Variants in MAP1B observed in about 807,000 individuals in gnomAD.
The protein encoded by MAP1B is microtubule associated protein 1B, also known as microtubule-associated protein 1B.
In MAP1B, 12 loss-of-function variants were observed where a neutral mutation model predicts 176.1. The observed-to-expected ratio is 0.07, with a 90% CI of 0.04 to 0.11. The LOEUF (loss-of-function observed/expected upper bound fraction) is 0.11. Among genes scored for constraint, MAP1B ranks in the 10% least tolerant of loss-of-function variants. MAP1B has a pLI of 1.00. For missense variants in MAP1B, 2,523 were observed against 2,990.5 expected, an observed-to-expected ratio of 0.84 and a Z score of 3.65; for synonymous variants, 1,044 against 1,135.0, an observed-to-expected ratio of 0.92 and a Z score of 1.61.
chr5:72,130,866 T>C (rs1745719071), intron 2 of MAP1B, among the ~76,000 whole-genome samples: 1 of 152,234 alleles, frequency 6.6e-6, no homozygotes, highest in African/African-American at 2.4e-5. Context: ...ATAATGTTTT[T>C]TCAAAAAATA....
In MAP1B at chr5:72,199,127, G is replaced by C. The variant is rs983924535; in HGVS notation, c.5772G>C (p.Glu1924Asp). The change falls in exon 5 of 7, where the codon GAG becomes GAC. Residue 1924 changes from glutamate to aspartate, a missense_variant. Coordinates refer to ENST00000296755, the MANE Select transcript of MAP1B (RefSeq NM_005909.5). This position sits in a 1 kb window ranked among gnomAD's most constrained non-coding sequence, Gnocchi z 4.2. ...CAAGTGACAGTGGCTACTCCTATGA[G>C]ACCATTGGGAAAACTACCAAGACCC... is the stretch of plus-strand genomic sequence containing the variant. The part of the protein sequence containing the change: ...KSPSDSGYSY[E>D]TIGKTTKTPE... 1.2e-6 allele frequency: 2 copies of C among 1,613,986 alleles called. No homozygotes were observed. Among genetic ancestry groups the C allele is most frequent in the Admixed American group, 1.7e-5 (1 of 60,008 alleles).
At chr5:72,158,347 A>AC (rs1561301361) in intron 2 of MAP1B, among the ~76,000 whole-genome samples, 5 of 152,088 alleles carry the variant, frequency 3.3e-5, no homozygotes, top group East Asian at 1.9e-4. Flanking sequence ...AATCTGATGT[A>AC]TTAGTAAGAG....
intron 2 of MAP1B, among the ~76,000 whole-genome samples, chr5:72,136,130 C>T (rs1346335919): frequency 6.6e-6 from 1 of 152,080 alleles, no homozygotes; most frequent in Admixed American, 6.5e-5. Flanking sequence ...TGCTGAGCAC[C>T]TAGGTACTAA....
At position 72,198,524 on chromosome 5, in the gene MAP1B, A is replaced by G. The variant is rs780623052; in HGVS notation, c.5169A>G (p.Val1723=). The G allele has an allele frequency of 1.3e-4, 207 of 1,613,932 alleles. 1 individual carries two copies. The highest frequency in any genetic ancestry group is 5.1e-4 in the East Asian group (23 of 44,882). ...QDNDLSELIS[V]SQVEASPSTS... is the part of the protein sequence containing the mutation. ...ATGATCTTTCTGAGCTCATCTCAGT[A>G]TCTCAGGTAGAGGCCTCCCCGTCCA... is the stretch of plus-strand genomic sequence containing the variant. The change falls in exon 5 of 7, where the codon GTA becomes GTG. Residue 1723 remains valine, a synonymous_variant. Coordinates refer to ENST00000296755, the MANE Select transcript of MAP1B (RefSeq NM_005909.5).
At chr5:72,165,321 A>T (rs1746407194) in intron 2 of MAP1B, among the ~76,000 whole-genome samples, 1 of 152,248 alleles carries the variant, frequency 6.6e-6, no homozygotes, top group South Asian at 2.1e-4. Context: ...AGGACCTGGC[A>T]TATAGGAAGT....
chr5:72,116,365 C>T (rs905616401), intron 2 of MAP1B: 4 of 349,514 alleles, frequency 1.1e-5, no homozygotes, highest in South Asian at 2.3e-5. Context: ...TATCTTTCTT[C>T]GTGTGGGTAA....
chr5:72,156,025 C>A (rs1347727281), intron 2 of MAP1B, among the ~76,000 whole-genome samples: 4 of 152,128 alleles, frequency 2.6e-5, no homozygotes, highest in Non-Finnish European at 5.9e-5. Context: ...CCTTGGCCTC[C>A]CAAAGTGATG....
In MAP1B at chr5:72,199,326, TATG is replaced by T; in HGVS notation, c.5976_5978del (p.Asp1993del). On this transcript the variant is annotated inframe_deletion, in exon 5 of 7. Transcript: ENST00000296755. The surrounding 1 kb of genome is among the most constrained non-coding windows in gnomAD (Gnocchi z 4.2). ...GCTTCTGGATGACATCAGCAATGGC[TATG>T]ATGACTCTGAGGATGGTGGCCACAC... 6.2e-7 allele frequency: 1 copy of T among 1,614,156 alleles called. No individual in the cohort carries two copies. Among genetic ancestry groups the T allele is most frequent in the Non-Finnish European group, 8.5e-7 (1 of 1,180,026 alleles).
At position 72,123,481 on chromosome 5, in the gene MAP1B, G is replaced by GT. The variant is rs1303382641; in HGVS notation, c.286+7692dup. On this transcript the variant is annotated intron_variant, in intron 2 of 6. Transcript: ENST00000296755. ...TATGCCCAGCTAATTTGTTTTTTTTGTTTTTTTTTTAGTTTTTTTTGAAGA... is the reference window on the plus strand; with the variant it reads ...TATGCCCAGCTAATTTGTTTTTTTTGTTTTTTTTTTTAGTTTTTTTTGAAGA... Among the ~76,000 whole-genome samples, 79 of 123,034 alleles carry GT rather than the reference G, an allele frequency of 6.4e-4. 1 individual carries two copies. The highest frequency in any genetic ancestry group is 2.4e-3 in the South Asian group (9 of 3,780). 80.7% of individuals were successfully genotyped at this position (123,034 alleles called of 152,430 possible). A position where few individuals can be genotyped will look rare whatever the true frequency, so the allele number is the denominator to read the frequency against.
intron 2 of MAP1B, among the ~76,000 whole-genome samples, chr5:72,126,889 T>A (rs1168112879): frequency 6.6e-6 from 1 of 152,208 alleles, no homozygotes; most frequent in Admixed American, 6.5e-5. Context: ...AAGACAAAAT[T>A]TAATCATGTT....
At chr5:72,172,845 A>G (rs924402583) in intron 2 of MAP1B, among the ~76,000 whole-genome samples, 2 of 152,222 alleles carry the variant, frequency 1.3e-5, no homozygotes, top group Non-Finnish European at 2.9e-5. Context: ...GCCTAGCGCC[A>G]AGCATGAGAG....
At chr5:72,165,860 T>C (rs1746418148) in intron 2 of MAP1B, among the ~76,000 whole-genome samples, 1 of 152,174 alleles carries the variant, frequency 6.6e-6, no homozygotes, top group East Asian at 1.9e-4. Flanking sequence ...GAGCATGCTA[T>C]GTGCTGTGAC....
rs1283649578 is a variant in MAP1B, at chr5:72,204,720, T to C, written c.7252-364T>C. Among the ~76,000 whole-genome samples, 1 of 152,194 alleles carries C rather than the reference T, an allele frequency of 6.6e-6. No individual in the cohort carries two copies. The highest frequency in any genetic ancestry group is 2.4e-5 in the African/African-American group (1 of 41,434). On this transcript the variant is annotated intron_variant, in intron 6 of 6. Coordinates refer to ENST00000296755, the MANE Select transcript of MAP1B (RefSeq NM_005909.5). The surrounding 1 kb of genome is among the most constrained non-coding windows in gnomAD (Gnocchi z 4.4). ...CTTTTGAGGGCTTTGAAGTGCGCGATAAAATCCTTGGATTAAATATGCAAT... is the reference window on the plus strand; with the variant it reads ...CTTTTGAGGGCTTTGAAGTGCGCGACAAAATCCTTGGATTAAATATGCAAT...
chr5:72,115,123 C>T (rs915814466), intron 1 of MAP1B, among the ~76,000 whole-genome samples: 1 of 152,130 alleles, frequency 6.6e-6, no homozygotes, highest in African/African-American at 2.4e-5. Context: ...TCAAAGATCA[C>T]ATAAATCTTG....
At position 72,194,795 on chromosome 5, in the gene MAP1B, T is replaced by C. The variant is rs949078656; in HGVS notation, c.1440T>C (p.Pro480=). The change falls in exon 5 of 7, where the codon CCT becomes CCC. Residue 480 remains proline (P), a synonymous_variant. Transcript: ENST00000296755. This position sits in a 1 kb window ranked among gnomAD's most constrained non-coding sequence, Gnocchi z 7.2. ...TGATTGTGTGGCATCCAGCAAACCC[T>C]GCGGAGAAAATCATCCGAGTCCTGT... ...SSLIVWHPAN[P]AEKIIRVLFP... 1.9e-6 allele frequency: 3 copies of C among 1,614,070 alleles called. No homozygotes were observed. In the African/African-American group the frequency reaches 4.0e-5, roughly 22 times the overall value.
chr5:72,208,474 A>G lies in MAP1B; in HGVS notation c.*3235A>G, dbSNP rs1305682678. The G allele has an allele frequency of 6.6e-6, 1 of 152,150 alleles. No individual in the cohort carries two copies. Among genetic ancestry groups the G allele is most frequent in the East Asian group, 1.9e-4 (1 of 5,194 alleles). The allele number at this position is 152,150 out of a possible 1,614,324, so 9.4% of individuals were successfully genotyped here. ...CGATGATCCTCCATTTTCAATTTTAACCAATTCTGTCCCCTTTCTCAAAAC... is the reference window on the plus strand; with the variant it reads ...CGATGATCCTCCATTTTCAATTTTAGCCAATTCTGTCCCCTTTCTCAAAAC... On this transcript the variant is annotated 3_prime_UTR_variant, in exon 7 of 7. Coordinates refer to ENST00000296755, the MANE Select transcript of MAP1B (RefSeq NM_005909.5).
intron 2 of MAP1B, among the ~76,000 whole-genome samples, chr5:72,167,465 T>G (rs764148751): frequency 3.9e-5 from 6 of 152,194 alleles, no homozygotes; most frequent in African/African-American, 7.2e-5. Flanking sequence ...AAGACTCAGA[T>G]GCAAACTGGG....
chr5:72,149,185 T>C (rs879618767), intron 2 of MAP1B, among the ~76,000 whole-genome samples: 5 of 152,244 alleles, frequency 3.3e-5, no homozygotes, highest in Non-Finnish European at 5.9e-5. Context: ...TGCACAGTTT[T>C]CTGCTCTTTC....
At chr5:72,184,720 A>G (rs999337512) in intron 3 of MAP1B, among the ~76,000 whole-genome samples, 2 of 152,172 alleles carry the variant, frequency 1.3e-5, no homozygotes, top group African/African-American at 2.4e-5. Flanking sequence ...CTTCTCGGAC[A>G]TGAAAGCAGC....
Sources: allele counts gnomAD v4.1 joint callset (sites outside exome capture counted in the v4.1 genomes callset), GRCh38; gene constraint gnomAD v4.1.1; non-coding constraint Gnocchi (gnomAD v3.1); transcripts MANE v1.5; gene names NCBI Gene and HGNC (gene_info 2026-07-23, HGNC 2026-07-21).